NUDCD3: variants seen among roughly 807,000 people sequenced by gnomAD.
NUDCD3 encodes NudC domain containing 3.
A neutral mutation model predicts 39.7 loss-of-function variants in NUDCD3; 13 were observed. The observed-to-expected ratio is 0.33, with a 90% CI of 0.21 to 0.52. The LOEUF is 0.52. NUDCD3 is among the 20% of genes least tolerant of loss of function. The pLI is 0.96. For missense variants in NUDCD3, 453 were observed against 458.1 expected (o/e 0.99, Z 0.10); for synonymous variants, 175 against 172.4 (o/e 1.02, Z -0.12).
chr7:44,427,926 T>C (rs570320429), intron 2 of NUDCD3, among the ~76,000 whole-genome samples: 36 of 152,016 alleles, frequency 2.4e-4, no homozygotes, highest in African/African-American at 8.7e-4. Context: ...AGGGCAAAGC[T>C]ACAGAAAAGA....
At chr7:44,479,460 A>T (rs1261343100) in intron 2 of NUDCD3, among the ~76,000 whole-genome samples, 1 of 152,166 alleles carries the variant, frequency 6.6e-6, no homozygotes, top group Non-Finnish European at 1.5e-5. Flanking sequence ...ACACAGCAAG[A>T]TCCTGTCTCT....
At chr7:44,444,721 G>A (rs1421479551) in intron 2 of NUDCD3, among the ~76,000 whole-genome samples, 1 of 152,166 alleles carries the variant, frequency 6.6e-6, no homozygotes, top group East Asian at 1.9e-4. Context: ...TGTGCCGTAA[G>A]TATCACTTGG....
intron 2 of NUDCD3, among the ~76,000 whole-genome samples, chr7:44,466,568 T>C (rs896579966): frequency 6.6e-6 from 1 of 152,226 alleles, no homozygotes; most frequent in African/African-American, 2.4e-5. Flanking sequence ...CATGTGGTTC[T>C]GGGCTCAGCC....
intron 2 of NUDCD3, among the ~76,000 whole-genome samples, chr7:44,471,043 C>T (rs1172875090): frequency 6.6e-6 from 1 of 152,204 alleles, no homozygotes; most frequent in African/African-American, 2.4e-5. Flanking sequence ...CAACTACGTG[C>T]CAGGCAGTAG....
chr7:44,457,299 T>A (rs10249846), intron 2 of NUDCD3, among the ~76,000 whole-genome samples: 20,573 of 152,226 alleles, frequency 0.14, 1,724 homozygotes, highest in Non-Finnish European at 0.19. Flanking sequence ...TCTATTCAAC[T>A]TTGTACTAGA....
At chr7:44,480,965 A>T (rs1800477847) in intron 2 of NUDCD3, among the ~76,000 whole-genome samples, 2 of 144,718 alleles carry the variant, frequency 1.4e-5, no homozygotes, top group Non-Finnish European at 1.6e-5. Context: ...AAAAAAAAAA[A>T]AATCCAAAAA....
chr7:44,412,680 C>T (rs1408963639), intron 3 of NUDCD3, among the ~76,000 whole-genome samples: 4 of 152,114 alleles, frequency 2.6e-5, no homozygotes, highest in African/African-American at 9.7e-5. Context: ...ATAATCTCAG[C>T]ACTTTGGGAG....
intron 2 of NUDCD3, among the ~76,000 whole-genome samples, chr7:44,441,023 A>T (rs769135043): frequency 1.2e-4 from 19 of 152,186 alleles, no homozygotes; most frequent in Non-Finnish European, 2.2e-4. Context: ...ATATTCCCAC[A>T]GTCCCACCAA....
intron 4 of NUDCD3, chr7:44,403,000 T>C (rs17172886): frequency 0.2 from 39,551 of 193,530 alleles, 4,551 homozygotes; most frequent in African/African-American, 0.26. Context: ...CACAGGAGCC[T>C]ATAGCTTGGG....
chr7:44,395,252 T>A (rs554135686), intron 4 of NUDCD3, among the ~76,000 whole-genome samples: 1 of 152,372 alleles, frequency 6.6e-6, no homozygotes, highest in African/African-American at 2.4e-5. Flanking sequence ...TTTACTCAGC[T>A]GCCACATGTG....
intron 5 of NUDCD3, among the ~76,000 whole-genome samples, chr7:44,386,432 C>T (rs1242781890): frequency 3.3e-5 from 5 of 152,204 alleles, no homozygotes; most frequent in African/African-American, 1.2e-4. Context: ...GGATCTCTGT[C>T]CAAATTCCAA....
intron 2 of NUDCD3, among the ~76,000 whole-genome samples, chr7:44,447,180 T>C (rs1799704315): frequency 6.6e-6 from 1 of 152,202 alleles, no homozygotes; most frequent in African/African-American, 2.4e-5. Context: ...TGAAGTCCCA[T>C]CTCAGCATGG....
At chr7:44,401,435 T>C (rs1019846356) in intron 4 of NUDCD3, among the ~76,000 whole-genome samples, 2 of 152,222 alleles carry the variant, frequency 1.3e-5, no homozygotes, top group Non-Finnish European at 2.9e-5. Flanking sequence ...TTTACTGCAG[T>C]AGAGGCTACG....
At chr7:44,450,503 A>T (rs1799774150) in intron 2 of NUDCD3, among the ~76,000 whole-genome samples, 1 of 151,920 alleles carries the variant, frequency 6.6e-6, no homozygotes, top group Admixed American at 6.5e-5. Flanking sequence ...TTAAAACACC[A>T]AATGCTGGCC....
At chr7:44,468,348 G>GAAAAAAAAAA in intron 2 of NUDCD3, 9 of 305,468 alleles carry the variant, frequency 2.9e-5, no homozygotes, top group South Asian at 2.5e-4. Flanking sequence ...TGTAAAAACT[G>GAAAAAAAAAA]CAAAAAAAAA....
intron 3 of NUDCD3, among the ~76,000 whole-genome samples, chr7:44,421,373 A>G (rs192285098): frequency 1.1e-3 from 165 of 151,258 alleles, no homozygotes; most frequent in Non-Finnish European, 1.8e-3. Flanking sequence ...GGCAAATTGC[A>G]TAAAGAGTCA....
At chr7:44,418,803 T>C (rs1799079202) in intron 3 of NUDCD3, among the ~76,000 whole-genome samples, 1 of 152,154 alleles carries the variant, frequency 6.6e-6, no homozygotes, top group Admixed American at 6.5e-5. Context: ...GGACGTCACC[T>C]CACCTGGGAA....
At chr7:44,473,750 A>G (rs2116968464) in intron 2 of NUDCD3, among the ~76,000 whole-genome samples, 1 of 152,346 alleles carries the variant, frequency 6.6e-6, no homozygotes, top group Middle Eastern at 3.4e-3. Flanking sequence ...ACTTATAGGA[A>G]ATAGGACAAA....
chr7:44,386,906 C>T (rs1199727090), intron 5 of NUDCD3, among the ~76,000 whole-genome samples: 2 of 152,182 alleles, frequency 1.3e-5, no homozygotes, highest in Non-Finnish European at 2.9e-5. Flanking sequence ...CTCAAAGGGA[C>T]TCTATATCTG....
Sources: allele counts gnomAD v4.1 joint callset (sites outside exome capture counted in the v4.1 genomes callset), GRCh38; gene constraint gnomAD v4.1.1; transcripts MANE v1.5; gene names NCBI Gene and HGNC (gene_info 2026-07-23, HGNC 2026-07-21).